ST6GALNAC3: variants seen among roughly 807,000 people sequenced by gnomAD.
The protein encoded by ST6GALNAC3 is alpha-N-acetylgalactosaminide alpha-2,6-sialyltransferase 3.
Under a neutral mutation model 32.7 loss-of-function variants are expected in ST6GALNAC3, and 25 were observed. The ratio of observed to expected loss-of-function variants is 0.76; its 90% CI spans 0.56 to 1.07. The LOEUF is 1.07. Among genes scored for constraint, ST6GALNAC3 ranks in the 50% least tolerant of loss-of-function variants. The pLI, the probability that ST6GALNAC3 is intolerant of heterozygous loss-of-function variation, is 0.00. For missense variants in ST6GALNAC3, 355 were observed against 382.4 expected (o/e 0.93, Z 0.60); for synonymous variants, 129 against 133.1 (o/e 0.97, Z 0.21).
intron 1 of ST6GALNAC3, among the ~76,000 whole-genome samples, chr1:76,204,793 A>C (rs1654729552): frequency 6.6e-6 from 1 of 152,196 alleles, no homozygotes; most frequent in South Asian, 2.1e-4. Context: ...TGGTAGTCTC[A>C]AGAAAATCGA....
At chr1:76,183,180 C>T (rs1039921851) in intron 1 of ST6GALNAC3, among the ~76,000 whole-genome samples, 1 of 152,108 alleles carries the variant, frequency 6.6e-6, no homozygotes, top group Non-Finnish European at 1.5e-5. Context: ...TTTCTGTACA[C>T]CACTTTAGCT....
At chr1:76,466,062 T>C (rs1286839530) in intron 3 of ST6GALNAC3, among the ~76,000 whole-genome samples, 1 of 152,152 alleles carries the variant, frequency 6.6e-6, no homozygotes, top group Non-Finnish European at 1.5e-5. Flanking sequence ...AGGATGCTCA[T>C]ATAAAAATAA....
At chr1:76,460,264 A>C (rs1658190217) in intron 3 of ST6GALNAC3, among the ~76,000 whole-genome samples, 1 of 152,028 alleles carries the variant, frequency 6.6e-6, no homozygotes, top group Non-Finnish European at 1.5e-5. Context: ...GCGCTTGTTG[A>C]CCATTTATAT....
intron 3 of ST6GALNAC3, among the ~76,000 whole-genome samples, chr1:76,514,555 T>C (rs1662060637): frequency 6.6e-6 from 1 of 152,206 alleles, no homozygotes. Flanking sequence ...CTTGCAGAAA[T>C]GGATAAGTTC....
At position 76,107,488 on chromosome 1, in the gene ST6GALNAC3, AT is replaced by A. The variant is rs555560099; in HGVS notation, c.18+32608del. Among the ~76,000 whole-genome samples, 264 of 151,936 alleles carry A rather than the reference AT, an allele frequency of 1.7e-3. 3 individuals carry two copies. Among genetic ancestry groups the A allele is most frequent in the Non-Finnish European group, 1.8e-3 (125 of 67,942 alleles). ...CAAAGTTGTGTTCTATTCTTAACCA[AT>A]TTTCTACTTTCTTTGGTACCATGAT... On this transcript the variant is annotated intron_variant, in intron 1 of 4. Coordinates refer to ENST00000328299, the MANE Select transcript of ST6GALNAC3 (RefSeq NM_152996.4).
intron 2 of ST6GALNAC3, among the ~76,000 whole-genome samples, chr1:76,327,292 G>GTGTGTGTGTGTGTGTGTGTGTGTT (rs1570838808): frequency 1.3e-5 from 2 of 151,360 alleles, no homozygotes; most frequent in East Asian, 1.9e-4. Flanking sequence ...GTGTGTGTGT[G>GTGTGTGTGTGTGTGTGTGTGTGTT]TGTGTGTGTG....
intron 3 of ST6GALNAC3, among the ~76,000 whole-genome samples, chr1:76,545,481 A>C (rs1378781005): frequency 6.6e-6 from 1 of 152,042 alleles, no homozygotes; most frequent in Admixed American, 6.6e-5. Flanking sequence ...GTCCTAATCA[A>C]CCAGGTTGAA....
chr1:76,277,122 G>A (rs1434428595), intron 1 of ST6GALNAC3, among the ~76,000 whole-genome samples: 2 of 152,024 alleles, frequency 1.3e-5, no homozygotes, highest in Admixed American at 1.3e-4. Context: ...CACTTTTTGA[G>A]ATAAATTCTT....
At chr1:76,597,837 G>C (rs566378235) in intron 3 of ST6GALNAC3, among the ~76,000 whole-genome samples, 4 of 152,246 alleles carry the variant, frequency 2.6e-5, no homozygotes, top group Non-Finnish European at 5.9e-5. Context: ...TTCCTAATGT[G>C]ATGCTTTCAT....
chr1:76,594,237 AT>A (rs550198906), intron 3 of ST6GALNAC3, among the ~76,000 whole-genome samples: 12 of 152,094 alleles, frequency 7.9e-5, no homozygotes, highest in East Asian at 3.9e-4. Flanking sequence ...ATCCAGAACT[AT>A]TTTTTTTAGA....
intron 1 of ST6GALNAC3, among the ~76,000 whole-genome samples, chr1:76,258,253 T>C (rs1658028678): frequency 6.6e-6 from 1 of 152,194 alleles, no homozygotes; most frequent in Non-Finnish European, 1.5e-5. Flanking sequence ...TTTAATTTTT[T>C]TGAAGAAGAC....
intron 1 of ST6GALNAC3, among the ~76,000 whole-genome samples, chr1:76,139,307 TCATA>T (rs961226357): frequency 2.2e-4 from 34 of 152,108 alleles, no homozygotes; most frequent in African/African-American, 6.0e-4. Context: ...CATTCACAAC[TCATA>T]CATACATATG....
intron 3 of ST6GALNAC3, among the ~76,000 whole-genome samples, chr1:76,478,007 T>C (rs1659465620): frequency 1.3e-5 from 2 of 152,184 alleles, no homozygotes; most frequent in South Asian, 4.2e-4. Flanking sequence ...GTCAAGGTCC[T>C]CTTTGGAAGG....
At chr1:76,575,566 C>T (rs982289853) in intron 3 of ST6GALNAC3, among the ~76,000 whole-genome samples, 11 of 151,944 alleles carry the variant, frequency 7.2e-5, no homozygotes, top group East Asian at 5.8e-4. Context: ...GAGTAGTGAG[C>T]GCATTAAGAT....
At chr1:76,255,735 T>C (rs1054120911) in intron 1 of ST6GALNAC3, among the ~76,000 whole-genome samples, 7 of 152,138 alleles carry the variant, frequency 4.6e-5, no homozygotes, top group South Asian at 2.1e-4. Flanking sequence ...GTTCCTGTTA[T>C]GAAACTGTGG....
chr1:76,375,953 A>T (rs1413413968), intron 2 of ST6GALNAC3, among the ~76,000 whole-genome samples: 2 of 152,184 alleles, frequency 1.3e-5, no homozygotes, highest in Non-Finnish European at 2.9e-5. Flanking sequence ...ATGCATATTT[A>T]TATATGAAGA....
At chr1:76,352,487 T>C (rs537173182) in intron 2 of ST6GALNAC3, among the ~76,000 whole-genome samples, 82 of 149,726 alleles carry the variant, frequency 5.5e-4, no homozygotes, top group African/African-American at 2.0e-3. Context: ...TTTTCAAACT[T>C]TTTGGTTTCC....
At chr1:76,433,030 T>G (rs1329110834) in intron 3 of ST6GALNAC3, among the ~76,000 whole-genome samples, 1 of 152,064 alleles carries the variant, frequency 6.6e-6, no homozygotes. Flanking sequence ...TGCTCTGTCT[T>G]TTCTCTCCTC....
At chr1:76,448,719 T>C (rs12080772) in intron 3 of ST6GALNAC3, among the ~76,000 whole-genome samples, 2,865 of 152,286 alleles carry the variant, frequency 0.019, 109 homozygotes, top group African/African-American at 0.064. Flanking sequence ...TCTTTTTGCC[T>C]GCCACCATTC....
Sources: allele counts gnomAD v4.1 joint callset (sites outside exome capture counted in the v4.1 genomes callset), GRCh38; gene constraint gnomAD v4.1.1; transcripts MANE v1.5; gene names NCBI Gene and HGNC (gene_info 2026-07-23, HGNC 2026-07-21).